SLC39A10: variants seen among roughly 807,000 people sequenced by gnomAD.
SLC39A10 encodes the protein solute carrier family 39 member 10.
A neutral mutation model predicts 65.1 loss-of-function variants in SLC39A10; 13 were observed. The observed-to-expected ratio is 0.20, with a 90% confidence interval of 0.13 to 0.32. The LOEUF (loss-of-function observed/expected upper bound fraction) is 0.32. Ranked by LOEUF, SLC39A10 falls within the 10% of genes least tolerant of loss-of-function variation. The pLI is 1.00. For missense variants in SLC39A10, 831 were observed against 1,018.4 expected, an observed-to-expected ratio of 0.82 and a Z score of 2.50; for synonymous variants, 321 against 342.2, an observed-to-expected ratio of 0.94 and a Z score of 0.68.
At chr2:195,692,020 T>A (rs1690761975) in intron 3 of SLC39A10, among the ~76,000 whole-genome samples, 1 of 152,234 alleles carries the variant, frequency 6.6e-6, no homozygotes, top group Admixed American at 6.5e-5. Context: ...TTGAGTTGAT[T>A]TTTTTATAAG....
rs1371796489 is a variant in SLC39A10 at position 195,642,145 on chromosome 2, T to C, written c.-12+35912T>C. ...CTATGCATGGGAGGACCTGATCAAA[T>C]TAGTGATGACTCTAACTTTCACGGT... On this transcript the variant is annotated intron_variant, in intron 2 of 2. Coordinates refer to the SLC39A10 transcript ENST00000458054. 4.6e-5 allele frequency among the ~76,000 whole-genome samples: 7 copies of C among 152,162 alleles called. No individual in the cohort carries two copies. The East Asian group carries it at 1.2e-3, about 25-fold the overall frequency.
intron 1 of SLC39A10, among the ~76,000 whole-genome samples, chr2:195,658,829 G>A (rs984677007): frequency 1.3e-5 from 2 of 152,188 alleles, no homozygotes; most frequent in African/African-American, 2.4e-5. Context: ...TCAGTGATAA[G>A]TGCTGTGAAG....
chr2:195,673,685 A>T (rs1574252888), intron 1 of SLC39A10, among the ~76,000 whole-genome samples: 1 of 152,174 alleles, frequency 6.6e-6, no homozygotes, highest in South Asian at 2.1e-4. Context: ...CTGTTATAGT[A>T]GGTCTGGGTG....
At position 195,683,923 on chromosome 2, in the gene SLC39A10, G is replaced by GT. The variant is rs2105776872; in HGVS notation, c.1216+23dup. The GT allele has an allele frequency of 6.3e-7, 1 of 1,578,104 alleles. No individual in the cohort carries two copies. Among genetic ancestry groups the GT allele is most frequent in the East Asian group, 2.2e-5 (1 of 44,562 alleles). On this transcript the variant is annotated intron_variant, in intron 3 of 9. Transcript: ENST00000359634. Reference sequence around the variant, plus strand: ...GGGCATCAGGTAAGAGAGATTTTAAGTTTTTTCTCCTTAAAATAGTACCTG... The same window carrying GT: ...GGGCATCAGGTAAGAGAGATTTTAAGTTTTTTTCTCCTTAAAATAGTACCTG...
intron 9 of SLC39A10, among the ~76,000 whole-genome samples, chr2:195,734,644 A>C (rs1197426400): frequency 6.6e-6 from 1 of 152,114 alleles, no homozygotes; most frequent in Non-Finnish European, 1.5e-5. Flanking sequence ...GCATATTTTA[A>C]GTGTTTGTTG....
intron 8 of SLC39A10, among the ~76,000 whole-genome samples, chr2:195,722,394 T>C (rs1574314535): frequency 6.6e-6 from 1 of 152,350 alleles, no homozygotes; most frequent in Non-Finnish European, 1.5e-5. Flanking sequence ...AGGGCTCTGG[T>C]CCTTGTATCT....
chr2:195,681,980 C>T (rs568243346), intron 2 of SLC39A10, among the ~76,000 whole-genome samples: 1 of 152,048 alleles, frequency 6.6e-6, no homozygotes, highest in African/African-American at 2.4e-5. Flanking sequence ...GTTTTTGTCT[C>T]AGGCCTTTCA....
At chr2:195,683,155 C>CTTTTTTT (rs11386545) in intron 2 of SLC39A10, among the ~76,000 whole-genome samples, 3 of 148,114 alleles carry the variant, frequency 2.0e-5, no homozygotes, top group Non-Finnish European at 1.5e-5. Context: ...TTTAAGCTTA[C>CTTTTTTT]TTTTTTTTTT....
intron 2 of SLC39A10, among the ~76,000 whole-genome samples, chr2:195,621,950 C>G (rs1243543850): frequency 6.6e-6 from 1 of 152,136 alleles, no homozygotes; most frequent in Non-Finnish European, 1.5e-5. Flanking sequence ...AACTGAGTCC[C>G]ATATAGTAAA....
At chr2:195,618,223 T>C (rs532898996) in intron 2 of SLC39A10, among the ~76,000 whole-genome samples, 235 of 152,046 alleles carry the variant, frequency 1.5e-3, no homozygotes, top group African/African-American at 5.1e-3. Context: ...TGGTGGCACA[T>C]GCCTGTAATC....
chr2:195,713,576 G>T, intron 6 of SLC39A10, 23 bp downstream of exon 6: 1 of 1,540,082 alleles, frequency 6.5e-7, no homozygotes, highest in Non-Finnish European at 8.6e-7. Flanking sequence ...TCTGACTCAA[G>T]ACAAACTTTT....
intron 8 of SLC39A10, among the ~76,000 whole-genome samples, chr2:195,722,982 G>A (rs1364912048): frequency 2.0e-5 from 3 of 152,142 alleles, no homozygotes; most frequent in Non-Finnish European, 4.4e-5. Context: ...TTGAAAACAA[G>A]TTGTTTTAGA....
intron 2 of SLC39A10, among the ~76,000 whole-genome samples, chr2:195,651,493 G>T (rs1251562573): frequency 1.3e-5 from 2 of 150,446 alleles, no homozygotes; most frequent in African/African-American, 2.5e-5. Flanking sequence ...CTTTTTTTTT[G>T]AGACAGAGTC....
At chr2:195,630,908 G>T (rs1255617032) in intron 2 of SLC39A10, among the ~76,000 whole-genome samples, 2 of 152,124 alleles carry the variant, frequency 1.3e-5, no homozygotes, top group Admixed American at 6.5e-5. Context: ...TCAGCATTTG[G>T]CCTGGTGCGG....
At chr2:195,692,856 C>T (rs1690796586) in intron 3 of SLC39A10, among the ~76,000 whole-genome samples, 1 of 152,120 alleles carries the variant, frequency 6.6e-6, no homozygotes, top group African/African-American at 2.4e-5. Context: ...CTAGGACTTC[C>T]AGTACTATGA....
intron 2 of SLC39A10, among the ~76,000 whole-genome samples, chr2:195,646,029 C>T (rs547237544): frequency 5.9e-5 from 9 of 152,236 alleles, no homozygotes; most frequent in Middle Eastern, 6.8e-3. Flanking sequence ...CTCACTGCAG[C>T]CTTGACCTCC....
chr2:195,628,567 C>G (rs527904453), intron 2 of SLC39A10, among the ~76,000 whole-genome samples: 1 of 152,196 alleles, frequency 6.6e-6, no homozygotes, highest in East Asian at 1.9e-4. Flanking sequence ...AACATACATT[C>G]TAGTGGAAAG....
chr2:195,705,724 TTAAAA>T (rs1691376179), intron 3 of SLC39A10, among the ~76,000 whole-genome samples: 1 of 152,230 alleles, frequency 6.6e-6, no homozygotes, highest in Non-Finnish European at 1.5e-5. Context: ...TAGATAGATC[TTAAAA>T]TAAGCAGAAT....
At chr2:195,727,291 GGT>G (rs1692277964) in intron 8 of SLC39A10, among the ~76,000 whole-genome samples, 1 of 152,142 alleles carries the variant, frequency 6.6e-6, no homozygotes, top group African/African-American at 2.4e-5. Context: ...TCAGCTCTGT[GGT>G]CATGGATGAT....
Sources: allele counts gnomAD v4.1 joint callset (sites outside exome capture counted in the v4.1 genomes callset), GRCh38; gene constraint gnomAD v4.1.1; transcripts MANE v1.5; gene names NCBI Gene and HGNC (gene_info 2026-07-23, HGNC 2026-07-21).